Variants in MYO5C observed in about 807,000 individuals in gnomAD.
MYO5C encodes the protein unconventional myosin-Vc.
In MYO5C, 194 loss-of-function variants were observed where a neutral mutation model predicts 235.7. The observed-to-expected ratio is 0.82, with a 90% confidence interval of 0.73 to 0.93. The LOEUF (loss-of-function observed/expected upper bound fraction) is 0.93. Among genes scored for constraint, MYO5C ranks in the 40% least tolerant of loss-of-function variants. MYO5C has a pLI of 0.00. For missense variants in MYO5C, 2,038 were observed against 2,127.2 expected, an observed-to-expected ratio of 0.96 and a Z score of 0.82; for synonymous variants, 707 against 754.8, an observed-to-expected ratio of 0.94 and a Z score of 1.04.
chr15:52,230,816 AGAAGTCTTCCTTTTTTTTTTTTTTT>A (rs2035933621), intron 24 of MYO5C, among the ~76,000 whole-genome samples: 1 of 149,902 alleles, frequency 6.7e-6, no homozygotes, highest in African/African-American at 2.5e-5. Context: ...AAAGGCAGCC[AGAAGTCTTCCTTTTTTTTTTTTTTT>A]TTTGGAGACA....
chr15:52,232,192 GAGGAAGGA>G (rs368863920), intron 24 of MYO5C, among the ~76,000 whole-genome samples: 646 of 51,410 alleles, frequency 0.013, 159 homozygotes, highest in African/African-American at 0.045. Flanking sequence ...GGGAGGAAGG[GAGGAAGGA>G]AGGAAGGAAA....
chr15:52,198,266 C>T (rs1179598469), intron 38 of MYO5C, among the ~76,000 whole-genome samples: 6 of 152,100 alleles, frequency 3.9e-5, no homozygotes, highest in African/African-American at 7.2e-5. Context: ...ACCCGGGAGG[C>T]GGAGGTTGCA....
intron 20 of MYO5C, among the ~76,000 whole-genome samples, chr15:52,241,370 C>T (rs2036218939): frequency 6.6e-6 from 1 of 150,524 alleles, no homozygotes; most frequent in South Asian, 2.1e-4. Flanking sequence ...TGCCATTCTC[C>T]TGCCTCAGCC....
At chr15:52,221,322 A>G in intron 29 of MYO5C, 67 bp from the exon 30 acceptor site, 1 of 1,156,960 alleles carries the variant, frequency 8.6e-7, no homozygotes, top group South Asian at 1.5e-5. Context: ...AAATCTTAGA[A>G]GCAAACTGAA....
intron 24 of MYO5C, among the ~76,000 whole-genome samples, chr15:52,230,883 G>A (rs192477224): frequency 2.4e-3 from 347 of 143,254 alleles, no homozygotes; most frequent in Non-Finnish European, 4.4e-3. Flanking sequence ...GCAGGAGTGC[G>A]GTGGTGCAAT....
rs554362421 is a variant in MYO5C at position 52,209,951 on chromosome 15, T to A, written c.4297-1308A>T. Among the ~76,000 whole-genome samples, 322 of 152,176 alleles carry A rather than the reference T, an allele frequency of 2.1e-3. 6 individuals are homozygous for A. The highest frequency in any genetic ancestry group is 0.015 in the East Asian group (77 of 5,182). ...TTTATATTTCTTTCTTCCTAGAGTTTATTAATTAATTAATTAATTTATTTA... is the reference window on the plus strand; with the variant it reads ...TTTATATTTCTTTCTTCCTAGAGTTAATTAATTAATTAATTAATTTATTTA... On this transcript the variant is annotated intron_variant, in intron 35 of 40. Transcript: ENST00000261839.
At chr15:52,286,895 C>T (rs907031821) in intron 1 of MYO5C, among the ~76,000 whole-genome samples, 1 of 149,510 alleles carries the variant, frequency 6.7e-6, no homozygotes, top group Non-Finnish European at 1.5e-5. Flanking sequence ...TCCTGTGACC[C>T]TGCCAAATCC....
intron 29 of MYO5C, among the ~76,000 whole-genome samples, chr15:52,222,789 A>G (rs1453070963): frequency 6.6e-6 from 1 of 152,222 alleles, no homozygotes; most frequent in East Asian, 1.9e-4. Context: ...TCTCCAGGCC[A>G]GTAGGCATGA....
chr15:52,193,783 A>G lies in MYO5C; in HGVS notation c.*119T>C. 1.8e-6 allele frequency: 2 copies of G among 1,096,396 alleles called. No homozygotes were observed. Among genetic ancestry groups the G allele is most frequent in the South Asian group, 1.5e-5 (1 of 65,262 alleles). The allele number at this position is 1,096,396 out of a possible 1,614,324, so 67.9% of individuals were successfully genotyped here. ...GAGAGATGATGTGGTCCATTTGAGA[A>G]AAGTCTGTTTTCTTCCTTAAATCAC... On this transcript the variant is annotated 3_prime_UTR_variant, in exon 41 of 41. Coordinates refer to ENST00000261839, the MANE Select transcript of MYO5C (RefSeq NM_018728.4).
At chr15:52,265,914 G>A (rs2036799973) in intron 8 of MYO5C, among the ~76,000 whole-genome samples, 1 of 152,240 alleles carries the variant, frequency 6.6e-6, no homozygotes. Flanking sequence ...TCCAGCTCCA[G>A]CTGAGTCCAG....
intron 38 of MYO5C, among the ~76,000 whole-genome samples, chr15:52,201,151 A>G (rs1305769612): frequency 6.6e-6 from 1 of 152,230 alleles, no homozygotes; most frequent in Admixed American, 6.5e-5. Context: ...CTGAAAATGT[A>G]CCAAATTTGG....
intron 38 of MYO5C, among the ~76,000 whole-genome samples, chr15:52,199,679 C>G (rs555628369): frequency 6.6e-6 from 1 of 152,124 alleles, no homozygotes. Context: ...TTTCCCTCTC[C>G]TTTTTCTCTA....
rs533246454 is a variant in MYO5C at position 52,253,573 on chromosome 15, AAAG to A, written c.1396-119_1396-117del. 235 of 995,918 alleles carry A rather than the reference AAAG, an allele frequency of 2.4e-4. 1 individual carries two copies. The East Asian group carries it at 5.8e-3, about 25-fold the overall frequency. 61.7% of individuals were successfully genotyped at this position (995,918 alleles called of 1,614,324 possible). On this transcript the variant is annotated intron_variant, in intron 11 of 40. Transcript: ENST00000261839. ...GTTGATCTGTAATATTTATGTTTAA[AAAG>A]AAGGACCCTGAAGTATAGACAAGGC...
intron 36 of MYO5C, 78 bp downstream of exon 36, chr15:52,208,476 C>T (rs2035371021): frequency 7.7e-6 from 10 of 1,303,726 alleles, no homozygotes; most frequent in East Asian, 2.3e-5. Context: ...AGGATAGAGG[C>T]TCTATTGAGC....
rs991112596 is a variant in MYO5C, at chr15:52,231,353, G to A, written c.3026+1269C>T. 5.3e-5 allele frequency among the ~76,000 whole-genome samples: 8 copies of A among 152,004 alleles called. No individual in the cohort carries two copies. In the East Asian group the frequency reaches 1.2e-3, roughly 22 times the overall value. On this transcript the variant is annotated intron_variant, in intron 24 of 40. Transcript: ENST00000261839. ...TTTAATCCCTTCACTGGCCTGCCTC[G>A]CCCTGACCCAGTTAGGATTGCAAAC...
chr15:52,237,925 CG>C (rs756852037), intron 21 of MYO5C, among the ~76,000 whole-genome samples: 126 of 150,676 alleles, frequency 8.4e-4, no homozygotes, highest in African/African-American at 1.5e-3. Context: ...CTGTGCCCCC[CG>C]CCAAAATTCA....
rs1555422083 is a variant in MYO5C at position 52,291,738 on chromosome 15, T to TTTTTGTTTGTTTTG, written c.27+3871_27+3872insCAAAACAAACAAAA. Among the ~76,000 whole-genome samples the TTTTTGTTTGTTTTG allele has an allele frequency of 1.7e-3, 137 of 80,274 alleles. 4 individuals carry two copies. The East Asian group carries it at 0.022, about 13-fold the overall frequency. The allele number at this position is 80,274 out of a possible 152,430, so 52.7% of individuals were successfully genotyped here. On this transcript the variant is annotated intron_variant, in intron 1 of 40. Transcript: ENST00000261839. ...TTTGTTTGCATATTTTATGTTTTTT[T>TTTTTGTTTGTTTTG]TTTTTTTTTTTTTTTTTTGAGACAG...
intron 38 of MYO5C, among the ~76,000 whole-genome samples, chr15:52,197,652 G>A (rs938820069): frequency 2.6e-5 from 4 of 152,098 alleles, no homozygotes; most frequent in African/African-American, 9.7e-5. Flanking sequence ...TTATTTTTGA[G>A]ATGGAGTCTC....
At chr15:52,215,888 T>TCATAC (rs1260065431) in intron 32 of MYO5C, among the ~76,000 whole-genome samples, 2 of 152,194 alleles carry the variant, frequency 1.3e-5, no homozygotes, top group Non-Finnish European at 2.9e-5. Context: ...TCATATTATA[T>TCATAC]CATACAACAA....
Sources: allele counts gnomAD v4.1 joint callset (sites outside exome capture counted in the v4.1 genomes callset), GRCh38; gene constraint gnomAD v4.1.1; transcripts MANE v1.5; gene names NCBI Gene and HGNC (gene_info 2026-07-23, HGNC 2026-07-21).